ASIC2: variants seen among roughly 807,000 people sequenced by gnomAD.
The protein encoded by ASIC2 is acid-sensing ion channel 2.
Under a neutral mutation model 57.3 loss-of-function variants are expected in ASIC2, and 25 were observed. The observed-to-expected ratio is 0.44, with a 90% CI of 0.32 to 0.61. The LOEUF is 0.61. ASIC2 is among the 20% of genes least tolerant of loss of function. The probability of loss-of-function intolerance (pLI) is 0.06; values close to 1 mark genes in which losing one functional copy is unlikely to be tolerated. For missense variants in ASIC2, 641 were observed against 738.1 expected, an observed-to-expected ratio of 0.87 and a Z score of 1.52; for synonymous variants, 319 against 307.5, an observed-to-expected ratio of 1.04 and a Z score of -0.39.
At chr17:33,695,011 T>G (rs1005276218) in intron 1 of ASIC2, among the ~76,000 whole-genome samples, 1 of 152,196 alleles carries the variant, frequency 6.6e-6, no homozygotes, top group Non-Finnish European at 1.5e-5. Context: ...GGAATATGGT[T>G]GGTAAGTAAT....
At chr17:33,852,609 C>T (rs145686569) in intron 1 of ASIC2, among the ~76,000 whole-genome samples, 13 of 152,238 alleles carry the variant, frequency 8.5e-5, no homozygotes, top group Middle Eastern at 3.4e-3. Context: ...ACTTTTGTGA[C>T]GAGTTAAGTG....
chr17:33,076,643 T>C (rs1422154474), intron 3 of ASIC2, among the ~76,000 whole-genome samples: 1 of 152,110 alleles, frequency 6.6e-6, no homozygotes, highest in Non-Finnish European at 1.5e-5. Flanking sequence ...TAGTTTAGGG[T>C]GTGGGTATTT....
At chr17:34,054,503 A>G (rs1036819947) in intron 1 of ASIC2, among the ~76,000 whole-genome samples, 1 of 152,160 alleles carries the variant, frequency 6.6e-6, no homozygotes. Context: ...ACCAGCTGCT[A>G]AACTCATACT....
intron 7 of ASIC2, among the ~76,000 whole-genome samples, chr17:33,018,475 G>A (rs974658768): frequency 5.9e-5 from 9 of 152,226 alleles, no homozygotes; most frequent in African/African-American, 2.2e-4. Flanking sequence ...TCAGATGGCT[G>A]GAGACTCTCC....
In ASIC2 at chr17:33,070,578, C is replaced by T. The variant is rs762646554; in HGVS notation, c.987+18285G>A. 1.8e-3 allele frequency among the ~76,000 whole-genome samples: 271 copies of T among 152,164 alleles called. 1 individual carries two copies. The highest frequency in any genetic ancestry group is 3.3e-3 in the Non-Finnish European group (223 of 67,992). ...GTCTCGATCTCTTGACCTTGTGATCCGCCCACCTCAGCCTCCCAAAGTGCT... is the reference window on the plus strand; with the variant it reads ...GTCTCGATCTCTTGACCTTGTGATCTGCCCACCTCAGCCTCCCAAAGTGCT... On this transcript the variant is annotated intron_variant, in intron 3 of 9. Transcript: ENST00000225823.
At chr17:33,209,676 T>A (rs966235963) in intron 1 of ASIC2, among the ~76,000 whole-genome samples, 4 of 152,230 alleles carry the variant, frequency 2.6e-5, no homozygotes, top group Non-Finnish European at 5.9e-5. Flanking sequence ...TTGCTTATGA[T>A]CATATCCTTA....
chr17:34,108,645 A>G (rs1911153291), intron 1 of ASIC2, among the ~76,000 whole-genome samples: 1 of 152,184 alleles, frequency 6.6e-6, no homozygotes, highest in Non-Finnish European at 1.5e-5. Context: ...ATTAGGTCCA[A>G]GCAGTTTACT....
chr17:33,337,697 C>T (rs1907568909), intron 1 of ASIC2, among the ~76,000 whole-genome samples: 1 of 152,006 alleles, frequency 6.6e-6, no homozygotes, highest in Non-Finnish European at 1.5e-5. Context: ...CTGAGATGTT[C>T]TGGAAGGGCA....
chr17:33,496,833 G>C (rs1428046676), intron 1 of ASIC2, among the ~76,000 whole-genome samples: 1 of 152,016 alleles, frequency 6.6e-6, no homozygotes, highest in Non-Finnish European at 1.5e-5. Flanking sequence ...GGCCAGGCTG[G>C]TCTCAAACTC....
chr17:33,150,849 C>CAAAAAAAAA (rs61602373), intron 1 of ASIC2, among the ~76,000 whole-genome samples: 4 of 18,886 alleles, frequency 2.1e-4, no homozygotes, highest in Non-Finnish European at 3.3e-4. Flanking sequence ...GACTCCGTCT[C>CAAAAAAAAA]AAAAAAAAAA....
intron 1 of ASIC2, among the ~76,000 whole-genome samples, chr17:33,127,218 G>A (rs1488888934): frequency 6.6e-6 from 1 of 152,142 alleles, no homozygotes; most frequent in African/African-American, 2.4e-5. Context: ...CAGAATCCAT[G>A]AGAGGCTAAA....
At chr17:33,200,421 A>G (rs1259367357) in intron 1 of ASIC2, among the ~76,000 whole-genome samples, 2 of 152,084 alleles carry the variant, frequency 1.3e-5, no homozygotes, top group African/African-American at 4.8e-5. Context: ...CAGACACCCA[A>G]CTGCCCACTT....
At chr17:33,891,916 GT>G (rs747449243) in intron 1 of ASIC2, among the ~76,000 whole-genome samples, 1 of 152,132 alleles carries the variant, frequency 6.6e-6, no homozygotes, top group African/African-American at 2.4e-5. Flanking sequence ...TTGGGTGGTG[GT>G]TTCATTTTTC....
chr17:33,798,535 T>C (rs1269160502), intron 1 of ASIC2, among the ~76,000 whole-genome samples: 1 of 152,216 alleles, frequency 6.6e-6, no homozygotes, highest in Non-Finnish European at 1.5e-5. Flanking sequence ...ATCCAGCACC[T>C]GGCTCTGTGG....
At chr17:33,808,850 C>G (rs991874569) in intron 1 of ASIC2, among the ~76,000 whole-genome samples, 1 of 152,230 alleles carries the variant, frequency 6.6e-6, no homozygotes, top group African/African-American at 2.4e-5. Flanking sequence ...TCCCTGACCC[C>G]TATTCTATCT....
intron 1 of ASIC2, among the ~76,000 whole-genome samples, chr17:34,126,814 AGAGCT>A (rs1450346176): frequency 6.6e-6 from 1 of 152,200 alleles, no homozygotes; most frequent in African/African-American, 2.4e-5. Flanking sequence ...CCGTTTCTGC[AGAGCT>A]GAGCGGGGCC....
At chr17:33,067,544 C>A (rs945597749) in intron 3 of ASIC2, among the ~76,000 whole-genome samples, 1 of 152,152 alleles carries the variant, frequency 6.6e-6, no homozygotes, top group Non-Finnish European at 1.5e-5. Flanking sequence ...AAGTATGAAA[C>A]TGGATCACAG....
At chr17:33,253,592 T>C (rs1292024833) in intron 1 of ASIC2, among the ~76,000 whole-genome samples, 1 of 152,230 alleles carries the variant, frequency 6.6e-6, no homozygotes, top group Non-Finnish European at 1.5e-5. Flanking sequence ...CTCTGCAGCA[T>C]TGACTAGCAT....
chr17:33,392,976 A>AT (rs1261101729), intron 1 of ASIC2, among the ~76,000 whole-genome samples: 1 of 151,724 alleles, frequency 6.6e-6, no homozygotes, highest in Non-Finnish European at 1.5e-5. Context: ...TCTTTGTTAG[A>AT]TTTTTCTTAT....
Sources: allele counts gnomAD v4.1 joint callset (sites outside exome capture counted in the v4.1 genomes callset), GRCh38; gene constraint gnomAD v4.1.1; transcripts MANE v1.5; gene names NCBI Gene and HGNC (gene_info 2026-07-23, HGNC 2026-07-21).